Variants in ABCC4 observed in about 807,000 individuals in gnomAD.
ABCC4 encodes ATP-binding cassette sub-family C member 4.
In ABCC4, 102 loss-of-function variants were observed where a neutral mutation model predicts 168.5. That is an observed-to-expected ratio of 0.61 (90% CI 0.52 to 0.71). ABCC4 has a LOEUF of 0.71. ABCC4 is among the 30% of genes least tolerant of loss of function. ABCC4 has a pLI of 0.00. For synonymous variants in ABCC4, 617 were observed against 590.7 expected (o/e 1.04, Z -0.65); for missense variants, 1,402 against 1,605.8 (o/e 0.87, Z 2.17).
intron 1 of ABCC4, among the ~76,000 whole-genome samples, chr13:95,251,245 C>T (rs1317541448): frequency 1.3e-5 from 2 of 152,106 alleles, no homozygotes; most frequent in African/African-American, 4.8e-5. Context: ...GGTAAATCCC[C>T]TCACTTTCTC....
At chr13:95,269,818 T>C (rs990873004) in intron 1 of ABCC4, among the ~76,000 whole-genome samples, 3 of 152,148 alleles carry the variant, frequency 2.0e-5, no homozygotes, top group African/African-American at 7.2e-5. Context: ...AAATGCATGG[T>C]GACAGTGTGG....
chr13:95,039,770 C>T (rs2032275861), intron 29 of ABCC4, among the ~76,000 whole-genome samples: 2 of 152,176 alleles, frequency 1.3e-5, no homozygotes, highest in African/African-American at 4.8e-5. Context: ...ACAATTTAAT[C>T]CATTTAATTG....
At chr13:95,083,099 C>T (rs1020927119) in intron 21 of ABCC4, 41 bp downstream of exon 21, 1 of 1,580,696 alleles carries the variant, frequency 6.3e-7, no homozygotes, top group East Asian at 2.2e-5. Context: ...TAAATGGAAA[C>T]TAGCTAGCAT....
At chr13:95,181,474 C>G (rs151066086) in intron 11 of ABCC4, among the ~76,000 whole-genome samples, 1 of 152,350 alleles carries the variant, frequency 6.6e-6, no homozygotes, top group East Asian at 1.9e-4. Flanking sequence ...GTCCCCCAAT[C>G]AGAAAACATC....
At chr13:95,042,972 G>A (rs138171541) in intron 29 of ABCC4, among the ~76,000 whole-genome samples, 292 of 152,266 alleles carry the variant, frequency 1.9e-3, no homozygotes, top group African/African-American at 6.4e-3. Flanking sequence ...GTTTCCCCAC[G>A]TTGGCCAGGC....
intron 1 of ABCC4, among the ~76,000 whole-genome samples, chr13:95,276,602 C>T (rs962221814): frequency 2.0e-5 from 3 of 152,102 alleles, no homozygotes; most frequent in East Asian, 1.9e-4. Flanking sequence ...GGCAGCCACC[C>T]GCCTCTCTTT....
At chr13:95,037,204 C>G (rs1178614337) in intron 29 of ABCC4, among the ~76,000 whole-genome samples, 2 of 151,802 alleles carry the variant, frequency 1.3e-5, no homozygotes, top group Admixed American at 6.6e-5. Flanking sequence ...GCATCCTTGG[C>G]ATATAAATAT....
chr13:95,165,319 C>T (rs369255568), intron 15 of ABCC4, among the ~76,000 whole-genome samples: 11 of 152,128 alleles, frequency 7.2e-5, no homozygotes, highest in African/African-American at 2.7e-4. Flanking sequence ...GCATATGATC[C>T]TAATCTATTT....
chr13:95,058,780 A>G (rs1192209762), intron 26 of ABCC4, among the ~76,000 whole-genome samples: 2 of 152,058 alleles, frequency 1.3e-5, no homozygotes, highest in Non-Finnish European at 2.9e-5. Flanking sequence ...TTCCTGGAGA[A>G]TGGGGCTAAC....
At chr13:95,157,974 A>G (rs1408926577) in intron 19 of ABCC4, among the ~76,000 whole-genome samples, 1 of 151,162 alleles carries the variant, frequency 6.6e-6, no homozygotes, top group East Asian at 2.0e-4. Flanking sequence ...CTGGAGGCTG[A>G]GGCAAGAGAA....
rs759564295 is a variant in ABCC4, at chr13:95,071,783, C to T, written c.3089G>A (p.Arg1030His). The change falls in exon 25 of 31, where the codon CGC (arginine) becomes CAC (histidine). Residue 1030 changes from arginine to histidine, a missense_variant. Arg to His is a conservative substitution (Grantham distance 29). Around this residue, in one of 3 missense-constraint regions of ABCC4, gnomAD observed 1,007 missense variants for 1,127.3 expected, o/e 0.89. Transcript: ENST00000645237. ...TTCATGGGGCCAGGCTGGTGGTGGG[C>T]GTTTCTGATATTCCCAAGGTGCTTC... ...EKEAPWEYQK[R>H]PPPAWPHEGV... 6 of 1,606,820 alleles carry T rather than the reference C, an allele frequency of 3.7e-6. No homozygotes were observed. The highest frequency in any genetic ancestry group is 2.2e-5 in the South Asian group (2 of 89,514).
chr13:95,088,114 G>A (rs1260798435), intron 20 of ABCC4, among the ~76,000 whole-genome samples: 1 of 152,168 alleles, frequency 6.6e-6, no homozygotes, highest in Non-Finnish European at 1.5e-5. Context: ...AATGAAGAGT[G>A]AATGGTGTAA....
At chr13:95,200,111 C>T (rs2038581690) in intron 8 of ABCC4, among the ~76,000 whole-genome samples, 1 of 152,184 alleles carries the variant, frequency 6.6e-6, no homozygotes, top group Admixed American at 6.5e-5. Context: ...AGGAAGTTCC[C>T]AGCAGGAAGG....
intron 8 of ABCC4, among the ~76,000 whole-genome samples, chr13:95,196,970 C>T (rs1291032100): frequency 2.0e-5 from 3 of 152,178 alleles, no homozygotes; most frequent in Non-Finnish European, 4.4e-5. Context: ...GACAGTCACA[C>T]TCCCAAAGTA....
intron 3 of ABCC4, among the ~76,000 whole-genome samples, chr13:95,242,457 A>C (rs2039975282): frequency 6.6e-6 from 1 of 152,130 alleles, no homozygotes; most frequent in East Asian, 1.9e-4. Context: ...CGAACTCCTG[A>C]CCTTGTGATC....
chr13:95,043,640 C>T, intron 29 of ABCC4, 42 bp downstream of exon 29: 1 of 1,491,682 alleles, frequency 6.7e-7, no homozygotes, highest in Non-Finnish European at 9.3e-7. Context: ...AAAAAGTGAA[C>T]ATAATTGGGA....
intron 8 of ABCC4, among the ~76,000 whole-genome samples, chr13:95,195,625 CTATTAT>C (rs1445657049): frequency 6.6e-6 from 1 of 151,998 alleles, no homozygotes; most frequent in African/African-American, 2.4e-5. Flanking sequence ...TCACAATCAC[CTATTAT>C]TATTGTTATT....
At chr13:95,238,066 G>A (rs543826650) in intron 3 of ABCC4, among the ~76,000 whole-genome samples, 88 of 151,646 alleles carry the variant, frequency 5.8e-4, no homozygotes, top group Non-Finnish European at 9.6e-4. Flanking sequence ...ATGGTGGCTC[G>A]CACCTGTAAT....
At chr13:95,116,086 T>C in intron 19 of ABCC4, 85 bp from the exon 20 acceptor site, 1 of 960,688 alleles carries the variant, frequency 1.0e-6, no homozygotes, top group Admixed American at 2.4e-5. Flanking sequence ...CAAAACAATA[T>C]TTTAAATGCA....
Sources: allele counts gnomAD v4.1 joint callset (sites outside exome capture counted in the v4.1 genomes callset), GRCh38; gene constraint gnomAD v4.1.1; regional missense constraint gnomAD v4.1.1; transcripts MANE v1.5; gene names NCBI Gene and HGNC (gene_info 2026-07-23, HGNC 2026-07-21).